The following DOK6 variants were observed in gnomAD, a reference collection of about 807,000 sequenced individuals.
DOK6 encodes docking protein 6, also known as downstream of tyrosine kinase 6.
A neutral mutation model predicts 44.0 loss-of-function variants in DOK6; 22 were observed. That is an observed-to-expected ratio of 0.50 (90% CI 0.36 to 0.71). The LOEUF (loss-of-function observed/expected upper bound fraction) is 0.71. Among genes scored for constraint, DOK6 ranks in the 30% least tolerant of loss-of-function variants. The probability of loss-of-function intolerance (pLI) is 0.00; values close to 1 mark genes in which losing one functional copy is unlikely to be tolerated. For synonymous variants in DOK6, 166 were observed against 145.5 expected (o/e 1.14, Z -1.01); for missense variants, 340 against 416.4 (o/e 0.82, Z 1.60).
intron 1 of DOK6, among the ~76,000 whole-genome samples, chr18:69,477,874 T>A (rs1399257191): frequency 6.6e-6 from 1 of 152,206 alleles, no homozygotes; most frequent in Non-Finnish European, 1.5e-5. Flanking sequence ...TATTGAAACC[T>A]AACTGTGAAA....
At chr18:69,835,450 A>G (rs536415138) in intron 7 of DOK6, among the ~76,000 whole-genome samples, 71 of 148,940 alleles carry the variant, frequency 4.8e-4, no homozygotes, top group South Asian at 1.7e-3. Flanking sequence ...GGGCGACAGA[A>G]CGAGACTCCG....
chr18:69,613,698 A>C (rs1984217084), intron 3 of DOK6, among the ~76,000 whole-genome samples: 1 of 152,028 alleles, frequency 6.6e-6, no homozygotes, highest in South Asian at 2.1e-4. Flanking sequence ...CAGCATATGA[A>C]ACCTAAAAAC....
intron 5 of DOK6, among the ~76,000 whole-genome samples, chr18:69,737,360 C>T (rs1474017854): frequency 6.6e-6 from 1 of 152,106 alleles, no homozygotes; most frequent in Non-Finnish European, 1.5e-5. Flanking sequence ...ACTTAAAAAC[C>T]ATCAGATCTC....
chr18:69,791,206 A>G (rs896909327), intron 7 of DOK6, among the ~76,000 whole-genome samples: 1 of 152,198 alleles, frequency 6.6e-6, no homozygotes, highest in Admixed American at 6.5e-5. Flanking sequence ...TAGGGCTGCA[A>G]TAAACATGGA....
intron 6 of DOK6, among the ~76,000 whole-genome samples, chr18:69,746,022 G>A (rs1252411607): frequency 2.0e-5 from 3 of 152,106 alleles, no homozygotes; most frequent in Non-Finnish European, 4.4e-5. Flanking sequence ...AACGTTTTAT[G>A]TGTATTTATC....
rs200359251 is a variant in DOK6, at chr18:69,753,951, TCATAA to T, written c.739-3799_739-3795del. ...TAAAATACATTGTTTAGAAATAATC[TCATAA>T]CATAATTTTTTATATAAATATTTAT... On this transcript the variant is annotated intron_variant, in intron 6 of 7. Coordinates refer to ENST00000382713, the MANE Select transcript of DOK6 (RefSeq NM_152721.6). 5.3e-3 allele frequency among the ~76,000 whole-genome samples: 812 copies of T among 152,236 alleles called. 4 individuals carry two copies. The highest frequency in any genetic ancestry group is 9.5e-3 in the East Asian group (49 of 5,182).
chr18:69,612,883 C>CT (rs1347842507), intron 3 of DOK6, among the ~76,000 whole-genome samples: 98 of 148,976 alleles, frequency 6.6e-4, no homozygotes, highest in Middle Eastern at 6.8e-3. Flanking sequence ...TTCTTTCTTT[C>CT]TTTTTTTTTG....
At chr18:69,545,116 T>TCA in intron 1 of DOK6, among the ~76,000 whole-genome samples, 1 of 145,188 alleles carries the variant, frequency 6.9e-6, no homozygotes, top group East Asian at 2.0e-4. Context: ...CGAGACACCA[T>TCA]AAAAAAAAAA....
chr18:69,759,554 C>T (rs1049680497), intron 7 of DOK6, among the ~76,000 whole-genome samples: 8 of 152,152 alleles, frequency 5.3e-5, no homozygotes, highest in African/African-American at 1.7e-4. Flanking sequence ...AATAAAAACT[C>T]TTGTTTTCAT....
intron 1 of DOK6, among the ~76,000 whole-genome samples, chr18:69,416,165 GGAAGGAAGGAAGGAACGAAGGAAGGAAC>G (rs1462396135): frequency 5.7e-5 from 5 of 87,874 alleles, no homozygotes; most frequent in Admixed American, 2.3e-4. Flanking sequence ...AGGGAAGGAA[GGAAGGAAGGAAGGAACGAAGGAAGGAAC>G]GAAGGAAGGA....
chr18:69,726,197 TCCC>T (rs1419708477), intron 5 of DOK6, among the ~76,000 whole-genome samples: 2 of 152,154 alleles, frequency 1.3e-5, no homozygotes, highest in Admixed American at 1.3e-4. Flanking sequence ...AGATCTTCAC[TCCC>T]CTCTTTCTCG....
intron 1 of DOK6, among the ~76,000 whole-genome samples, chr18:69,531,091 T>C (rs1213210962): frequency 6.6e-6 from 1 of 151,734 alleles, no homozygotes; most frequent in Non-Finnish European, 1.5e-5. Context: ...CTGCCTTTTT[T>C]TGTTTTCCAT....
At chr18:69,454,667 CA>C (rs1979570461) in intron 1 of DOK6, among the ~76,000 whole-genome samples, 1 of 120,048 alleles carries the variant, frequency 8.3e-6, no homozygotes, top group African/African-American at 2.9e-5. Context: ...CCCAAATGTC[CA>C]ACAATTATAG....
intron 3 of DOK6, among the ~76,000 whole-genome samples, chr18:69,656,899 G>A (rs1301181678): frequency 2.6e-5 from 4 of 152,110 alleles, no homozygotes; most frequent in African/African-American, 9.7e-5. Context: ...TTCTGAATCA[G>A]AAATTCCAGG....
At chr18:69,493,507 AT>A (rs1425462849) in intron 1 of DOK6, among the ~76,000 whole-genome samples, 1 of 152,196 alleles carries the variant, frequency 6.6e-6, no homozygotes, top group East Asian at 1.9e-4. Context: ...CCATAATCTG[AT>A]TTTTTAGCCA....
intron 7 of DOK6, among the ~76,000 whole-genome samples, 198 bp downstream of exon 7, chr18:69,758,071 T>A (rs1979418627): frequency 6.6e-6 from 1 of 152,204 alleles, no homozygotes; most frequent in Non-Finnish European, 1.5e-5. Context: ...TGGTAAAAAA[T>A]ATTTCAAAAA....
At chr18:69,563,631 T>A (rs1347113786) in intron 1 of DOK6, among the ~76,000 whole-genome samples, 1 of 117,810 alleles carries the variant, frequency 8.5e-6, no homozygotes, top group East Asian at 2.8e-4. Flanking sequence ...AAGGGGAACA[T>A]CACACACTGG....
At chr18:69,674,649 CACACACACTGATAT>C in intron 3 of DOK6, among the ~76,000 whole-genome samples, 1 of 147,978 alleles carries the variant, frequency 6.8e-6, no homozygotes, top group Non-Finnish European at 1.5e-5. Context: ...CCCACATACT[CACACACACTGATAT>C]ACACGCACGC....
intron 1 of DOK6, among the ~76,000 whole-genome samples, chr18:69,536,790 G>C (rs915973605): frequency 6.6e-6 from 1 of 151,816 alleles, no homozygotes; most frequent in East Asian, 1.9e-4. Context: ...CAGCGATTTA[G>C]TTCACCTGCT....
Sources: gnomAD v4.1 joint callset for allele counts (sites outside exome capture counted in the v4.1 genomes callset) on GRCh38, gnomAD v4.1.1 for gene constraint, MANE v1.5 for transcripts, NCBI Gene and HGNC (gene_info 2026-07-23, HGNC 2026-07-21) for gene names.